Variants in OAF observed in about 807,000 individuals in gnomAD.
OAF encodes out at first protein homolog.
In OAF, 13 loss-of-function variants were observed where a neutral mutation model predicts 22.5. The ratio of observed to expected loss-of-function variants is 0.58; its 90% CI spans 0.38 to 0.92. The LOEUF is 0.92. Among genes scored for constraint, OAF ranks in the 40% least tolerant of loss-of-function variants. The probability of loss-of-function intolerance (pLI) is 0.00; values close to 1 mark genes in which losing one functional copy is unlikely to be tolerated. For missense variants in OAF, 347 were observed against 381.8 expected (o/e 0.91, Z 0.76); for synonymous variants, 175 against 170.5 (o/e 1.03, Z -0.21).
intron 1 of OAF, among the ~76,000 whole-genome samples, chr11:120,224,234 A>T (rs761261836): frequency 6.6e-6 from 1 of 152,200 alleles, no homozygotes; most frequent in Non-Finnish European, 1.5e-5. Context: ...AATGGCAAGT[A>T]AGAGAAACTC....
intron 1 of OAF, among the ~76,000 whole-genome samples, chr11:120,212,998 G>T (rs1232427450): frequency 6.6e-6 from 1 of 151,436 alleles, no homozygotes; most frequent in African/African-American, 2.4e-5. Flanking sequence ...AGGAATCGGG[G>T]ATCTAATCTT....
intron 1 of OAF, among the ~76,000 whole-genome samples, chr11:120,218,290 C>G (rs1444850526): frequency 1.3e-5 from 2 of 152,192 alleles, no homozygotes; most frequent in African/African-American, 4.8e-5. Context: ...ATGGGGCGGC[C>G]TAGGTCCCTG....
At chr11:120,215,655 A>T (rs922054003) in intron 1 of OAF, among the ~76,000 whole-genome samples, 1 of 152,176 alleles carries the variant, frequency 6.6e-6, no homozygotes, top group African/African-American at 2.4e-5. Context: ...AATCACTGGC[A>T]TATCTAATCA....
chr11:120,215,343 C>T (rs921889467), intron 1 of OAF, among the ~76,000 whole-genome samples: 1 of 152,100 alleles, frequency 6.6e-6, no homozygotes, highest in Middle Eastern at 3.2e-3. Flanking sequence ...GACAAAAGAA[C>T]CCAGGTGATT....
At chr11:120,216,989 C>T (rs1938220506) in intron 1 of OAF, 1 of 152,264 alleles carries the variant, frequency 6.6e-6, no homozygotes, top group Admixed American at 6.5e-5. Context: ...GATTAGGACC[C>T]AGGGTTCCTT....
chr11:120,212,741 G>A (rs1210691344), intron 1 of OAF, among the ~76,000 whole-genome samples: 2 of 150,544 alleles, frequency 1.3e-5, no homozygotes, highest in Non-Finnish European at 3.0e-5. Context: ...GACCGCTAGA[G>A]GTGGGTGGGG....
chr11:120,218,354 C>T (rs886172403), intron 1 of OAF, among the ~76,000 whole-genome samples: 33 of 152,288 alleles, frequency 2.2e-4, no homozygotes, highest in African/African-American at 7.2e-4. Context: ...CCATCCACCC[C>T]GTTCCTGCTC....
intron 1 of OAF, among the ~76,000 whole-genome samples, chr11:120,212,612 T>C (rs1436849654): frequency 6.6e-6 from 1 of 151,478 alleles, no homozygotes; most frequent in African/African-American, 2.4e-5. Context: ...TTGCTGAAGC[T>C]GCCTGTCTTT....
Position 120,229,888 on chromosome 11 carries a change from G to A in OAF, c.*746G>A, listed in dbSNP as rs9655. 113,179 of 152,502 alleles carry A rather than the reference G, an allele frequency of 0.74. 44,577 individuals carry two copies. Among genetic ancestry groups the A allele is most frequent in the Non-Finnish European group, 0.88 (59,994 of 68,030 alleles). The allele number at this position is 152,502 out of a possible 1,614,324, so 9.4% of individuals were successfully genotyped here. A position where few individuals can be genotyped will look rare whatever the true frequency, so the allele number is the denominator to read the frequency against. On this transcript the variant is annotated 3_prime_UTR_variant, in exon 4 of 4. Transcript: ENST00000328965. ...GGAAAACTTGAATTCCAGATTTTTA[G>A]TGCAAAGTATTTATCATTTCTACCA...
intron 3 of OAF, 111 bp downstream of exon 3, chr11:120,227,107 G>A: frequency 1.5e-6 from 1 of 685,070 alleles, no homozygotes. Context: ...CTCATCATTA[G>A]CCAAGTCTCA....
At chr11:120,220,175 T>G (rs938042310) in intron 1 of OAF, among the ~76,000 whole-genome samples, 8 of 152,136 alleles carry the variant, frequency 5.3e-5, no homozygotes, top group African/African-American at 1.7e-4. Context: ...AGGCAGAGTC[T>G]GATTCAGCTC....
rs916465186 is a variant in OAF at position 120,211,329 on chromosome 11, T to TGCCGCTGCTCGC, written c.60_71dup (p.Ala21_Leu24dup). 2.5e-5 allele frequency: 35 copies of TGCCGCTGCTCGC among 1,393,838 alleles called. No homozygotes were observed. The highest frequency in any genetic ancestry group is 3.1e-5 in the South Asian group (2 of 65,392). The allele number at this position is 1,393,838 out of a possible 1,614,324, so 86.3% of individuals were successfully genotyped here. ...GCGCGCCCTGCGCTGCTGCTGCTGC[T>TGCCGCTGCTCGC]GCCGCTGCTCGCGCCGCTGCTGGGA... On this transcript the variant is annotated inframe_insertion, in exon 1 of 4. Coordinates refer to ENST00000328965, the MANE Select transcript of OAF (RefSeq NM_178507.4).
chr11:120,225,821 GC>G, intron 2 of OAF, 26 bp downstream of exon 2: 1 of 1,584,154 alleles, frequency 6.3e-7, no homozygotes, highest in Non-Finnish European at 8.6e-7. Context: ...GGCCTGCCTG[GC>G]CCAGGTCCTG....
At chr11:120,226,636 C>T (rs777421961) in intron 2 of OAF, among the ~76,000 whole-genome samples, 180 bp from the exon 3 acceptor site, 3 of 152,340 alleles carry the variant, frequency 2.0e-5, no homozygotes, top group South Asian at 2.1e-4. Flanking sequence ...TGAAAAGGCT[C>T]GACTGTACTC....
At chr11:120,216,840 G>A (rs922281584) in intron 1 of OAF, among the ~76,000 whole-genome samples, 4 of 152,220 alleles carry the variant, frequency 2.6e-5, no homozygotes, top group Non-Finnish European at 5.9e-5. Flanking sequence ...TTCCGCTGGC[G>A]GAGGGCCCAG....
intron 1 of OAF, among the ~76,000 whole-genome samples, chr11:120,215,786 A>G (rs1284572299): frequency 6.6e-6 from 1 of 152,188 alleles, no homozygotes; most frequent in Non-Finnish European, 1.5e-5. Flanking sequence ...CCGAGTGGCC[A>G]AAAGCTGGGA....
chr11:120,215,866 A>G (rs1482204450), intron 1 of OAF, among the ~76,000 whole-genome samples: 1 of 152,144 alleles, frequency 6.6e-6, no homozygotes, highest in Non-Finnish European at 1.5e-5. Context: ...ACTGACAGAT[A>G]TGAAGAAGGT....
At chr11:120,225,855 A>G in intron 2 of OAF, 60 bp downstream of exon 2, 1 of 1,504,798 alleles carries the variant, frequency 6.6e-7, no homozygotes, top group South Asian at 1.2e-5. Flanking sequence ...CCCGGCCCAG[A>G]TCCCATCCCG....
At chr11:120,219,191 T>C in intron 1 of OAF, among the ~76,000 whole-genome samples, 1 of 151,528 alleles carries the variant, frequency 6.6e-6, no homozygotes, top group East Asian at 2.0e-4. Flanking sequence ...ACAGGGAGAC[T>C]GAGGGAGGAG....
Sources: gnomAD v4.1 joint callset for allele counts (sites outside exome capture counted in the v4.1 genomes callset) on GRCh38, gnomAD v4.1.1 for gene constraint, MANE v1.5 for transcripts, NCBI Gene and HGNC (gene_info 2026-07-23, HGNC 2026-07-21) for gene names.